SOX6: variants seen among roughly 807,000 people sequenced by gnomAD.
The protein encoded by SOX6 is transcription factor SOX-6.
Under a neutral mutation model 97.8 loss-of-function variants are expected in SOX6, and 11 were observed. The ratio of observed to expected loss-of-function variants is 0.11; its 90% CI spans 0.07 to 0.19. The LOEUF (loss-of-function observed/expected upper bound fraction) is 0.19, where lower values mean the gene tolerates loss of function less well. Ranked by LOEUF, SOX6 falls within the 10% of genes least tolerant of loss-of-function variation. The pLI, the probability that SOX6 is intolerant of heterozygous loss-of-function variation, is 1.00. For missense variants in SOX6, 810 were observed against 1,039.5 expected, an observed-to-expected ratio of 0.78 and a Z score of 3.04; for synonymous variants, 360 against 371.4, an observed-to-expected ratio of 0.97 and a Z score of 0.35.
At chr11:16,441,345 T>C (rs1397120020) in intron 1 of SOX6, among the ~76,000 whole-genome samples, 2 of 152,228 alleles carry the variant, frequency 1.3e-5, no homozygotes, top group African/African-American at 4.8e-5. Flanking sequence ...TACACTTTTA[T>C]TTGTTATTTA....
intron 3 of SOX6, among the ~76,000 whole-genome samples, chr11:16,645,216 C>T (rs1181584054): frequency 6.6e-6 from 1 of 152,106 alleles, no homozygotes. Context: ...TAATAACAAC[C>T]AATTCAAGCT....
intron 3 of SOX6, among the ~76,000 whole-genome samples, chr11:16,669,612 GT>G (rs1322257317): frequency 6.6e-6 from 1 of 152,256 alleles, no homozygotes; most frequent in East Asian, 1.9e-4. Flanking sequence ...AGAACTCCCA[GT>G]GGGAGGGGTG....
chr11:16,103,292 T>C (rs1218168005), intron 7 of SOX6, among the ~76,000 whole-genome samples: 1 of 151,788 alleles, frequency 6.6e-6, no homozygotes, highest in Non-Finnish European at 1.5e-5. Flanking sequence ...TCACTAATTG[T>C]CAGGGAAGTG....
intron 4 of SOX6, among the ~76,000 whole-genome samples, chr11:16,499,882 C>A (rs1349457318): frequency 2.0e-5 from 3 of 152,186 alleles, no homozygotes; most frequent in Non-Finnish European, 4.4e-5. Context: ...ACTAGAGGTA[C>A]AAGGAGGAAC....
intron 1 of SOX6, among the ~76,000 whole-genome samples, chr11:16,430,473 G>C (rs1859252972): frequency 6.6e-6 from 1 of 152,106 alleles, no homozygotes; most frequent in Admixed American, 6.6e-5. Context: ...CAAAGTGATT[G>C]TATTAGAAGG....
intron 12 of SOX6, among the ~76,000 whole-genome samples, chr11:16,017,863 G>A (rs1394723022): frequency 6.6e-6 from 1 of 152,022 alleles, no homozygotes; most frequent in Non-Finnish European, 1.5e-5. Context: ...AAGATATGTT[G>A]GAGATATAAG....
chr11:16,625,400 G>A (rs1848610417), intron 3 of SOX6, among the ~76,000 whole-genome samples: 1 of 152,070 alleles, frequency 6.6e-6, no homozygotes, highest in Admixed American at 6.6e-5. Context: ...CCTGATACAG[G>A]GCTCCTAAAG....
chr11:16,083,333 T>C (rs373732909), intron 9 of SOX6, among the ~76,000 whole-genome samples: 1 of 152,220 alleles, frequency 6.6e-6, no homozygotes, highest in Non-Finnish European at 1.5e-5. Flanking sequence ...ATGAATGAAC[T>C]AATTAAATAA....
Position 16,318,178 on chromosome 11 carries a change from G to C in SOX6, c.445+268C>G, listed in dbSNP as rs1855807096. ...AAAATTCTCTTGTTACCTTTTTCCA[G>C]AGTAGGATTATGGTCAGTTTAAAAT... On this transcript the variant is annotated intron_variant, in intron 3 of 15. Transcript: ENST00000683767. The C allele has an allele frequency of 1.9e-5, 9 of 475,260 alleles. 1 individual carries two copies. The South Asian group carries it at 2.0e-4, about 11-fold the overall frequency. 29.4% of individuals were successfully genotyped at this position (475,260 alleles called of 1,614,324 possible).
intron 1 of SOX6, among the ~76,000 whole-genome samples, chr11:16,453,825 C>G (rs961257204): frequency 6.6e-6 from 1 of 152,086 alleles, no homozygotes; most frequent in Non-Finnish European, 1.5e-5. Context: ...AATGAGCTCA[C>G]AGAAGAGTGA....
intron 9 of SOX6, among the ~76,000 whole-genome samples, chr11:16,080,932 T>A (rs942758932): frequency 5.3e-5 from 8 of 151,944 alleles, no homozygotes; most frequent in East Asian, 1.9e-4. Flanking sequence ...AAGACTTTTT[T>A]AAAAAAATTA....
intron 1 of SOX6, among the ~76,000 whole-genome samples, chr11:16,403,385 T>C (rs1178837665): frequency 1.3e-5 from 2 of 151,790 alleles, no homozygotes; most frequent in Non-Finnish European, 3.0e-5. Flanking sequence ...ATGATTGGTC[T>C]GTGCGGCCAT....
intron 15 of SOX6, among the ~76,000 whole-genome samples, chr11:15,981,538 C>A (rs1048635271): frequency 6.6e-6 from 1 of 152,070 alleles, no homozygotes; most frequent in Admixed American, 6.6e-5. Context: ...TAAGCCTATA[C>A]GTCACATATC....
intron 4 of SOX6, among the ~76,000 whole-genome samples, chr11:16,195,770 C>T (rs1253950652): frequency 6.6e-6 from 1 of 152,130 alleles, no homozygotes; most frequent in African/African-American, 2.4e-5. Flanking sequence ...TGGCATTCTC[C>T]GGCATTCTCC....
intron 9 of SOX6, among the ~76,000 whole-genome samples, chr11:16,089,022 C>A (rs1391068437): frequency 2.6e-5 from 4 of 152,130 alleles, no homozygotes; most frequent in Non-Finnish European, 4.4e-5. Flanking sequence ...ATTGTAACAT[C>A]AACCTGTAGC....
At chr11:16,548,820 A>G (rs904639120) in intron 4 of SOX6, among the ~76,000 whole-genome samples, 9 of 152,088 alleles carry the variant, frequency 5.9e-5, no homozygotes, top group African/African-American at 2.2e-4. Flanking sequence ...AAAAGACTAT[A>G]TTTTAAGTGT....
intron 13 of SOX6, among the ~76,000 whole-genome samples, chr11:16,003,993 G>A (rs1169612856): frequency 6.6e-6 from 1 of 151,262 alleles, no homozygotes; most frequent in Non-Finnish European, 1.5e-5. Flanking sequence ...ATGATGTAGG[G>A]TGTGTGTAAA....
At chr11:16,244,097 G>A (rs1190879024) in intron 3 of SOX6, among the ~76,000 whole-genome samples, 1 of 151,762 alleles carries the variant, frequency 6.6e-6, no homozygotes, top group Non-Finnish European at 1.5e-5. Flanking sequence ...CTGCCAAAAG[G>A]TTTTCCAAAG....
intron 4 of SOX6, among the ~76,000 whole-genome samples, chr11:16,513,369 A>G (rs1027721882): frequency 2.0e-5 from 3 of 152,234 alleles, no homozygotes; most frequent in Admixed American, 1.3e-4. Flanking sequence ...ACAGTGGCTC[A>G]GGCCTGTAAT....
Sources: gnomAD v4.1 joint callset for allele counts (sites outside exome capture counted in the v4.1 genomes callset) on GRCh38, gnomAD v4.1.1 for gene constraint, MANE v1.5 for transcripts, NCBI Gene and HGNC (gene_info 2026-07-23, HGNC 2026-07-21) for gene names.